Variants in WDR3 observed in about 807,000 individuals in gnomAD.
The protein encoded by WDR3 is WD repeat domain 3.
In WDR3, 81 loss-of-function variants were observed where a neutral mutation model predicts 123.7. The ratio of observed to expected loss-of-function variants is 0.65; its 90% CI spans 0.55 to 0.79. The LOEUF is 0.79. Among genes scored for constraint, WDR3 ranks in the 30% least tolerant of loss-of-function variants. The pLI, the probability that WDR3 is intolerant of heterozygous loss-of-function variation, is 0.00. For missense variants in WDR3, 1,027 were observed against 1,123.2 expected, an observed-to-expected ratio of 0.91 and a Z score of 1.22; for synonymous variants, 390 against 388.8, an observed-to-expected ratio of 1.00 and a Z score of -0.04.
In WDR3 at chr1:117,954,014, G is replaced by A; in HGVS notation, c.2276G>A (p.Arg759Lys). 1 of 1,611,140 alleles carries A rather than the reference G, an allele frequency of 6.2e-7. No individual in the cohort carries two copies. Among genetic ancestry groups the A allele is most frequent in the South Asian group, 1.1e-5 (1 of 90,870 alleles). ...KTIETVKAAE[R>K]IMEAIELYRE... The stretch of plus-strand genomic sequence containing the variant: ...CTTTCTCATCCTCTGTAGGCTGAGA[G>A]GATTATGGAGGCTATTGAGTTGTAC... The change falls in exon 22 of 27, where the codon AGG (arginine) becomes AAG (lysine). Residue 759 changes from arginine to lysine, a missense_variant. By Grantham distance (26) the Arg-to-Lys change is conservative (BLOSUM62 2). Coordinates refer to ENST00000349139, the MANE Select transcript of WDR3 (RefSeq NM_006784.3).
intron 22 of WDR3, 65 bp from the exon 23 acceptor site, chr1:117,954,513 CTG>C: frequency 7.0e-7 from 1 of 1,435,856 alleles, no homozygotes. Context: ...AGTTACCACT[CTG>C]TCTATAACAA....
At chr1:117,958,772 T>TG (rs1194912468) in intron 25 of WDR3, 138 bp from the exon 26 acceptor site, 3 of 564,218 alleles carry the variant, frequency 5.3e-6, no homozygotes, top group Non-Finnish European at 8.7e-6. Context: ...TTTGGCTTTT[T>TG]TTTTTTTTTT....
intron 1 of WDR3, among the ~76,000 whole-genome samples, chr1:117,931,834 G>A (rs1188572257): frequency 2.6e-5 from 4 of 152,178 alleles, no homozygotes; most frequent in Non-Finnish European, 5.9e-5. Flanking sequence ...TTGGCTTTAT[G>A]TTGGTTCCTG....
chr1:117,930,607 A>C (rs984596573), intron 1 of WDR3, among the ~76,000 whole-genome samples: 2 of 152,180 alleles, frequency 1.3e-5, no homozygotes, highest in Non-Finnish European at 2.9e-5. Flanking sequence ...ATGACGTTTA[A>C]ATGAAAAGAG....
At chr1:117,949,960 C>CATTT (rs1651547113) in intron 14 of WDR3, 35 bp from the exon 15 acceptor site, 3 of 1,612,974 alleles carry the variant, frequency 1.9e-6, no homozygotes, top group Non-Finnish European at 2.5e-6. Context: ...TTTGTATACT[C>CATTT]ATTTATTTTT....
intron 12 of WDR3, among the ~76,000 whole-genome samples, chr1:117,948,118 G>A (rs1651473429): frequency 6.6e-6 from 1 of 152,184 alleles, no homozygotes; most frequent in African/African-American, 2.4e-5. Context: ...TTTTCCTTGT[G>A]AAGTTGTGTA....
At chr1:117,942,889 G>GT (rs751258995) in intron 10 of WDR3, among the ~76,000 whole-genome samples, 8,755 of 116,558 alleles carry the variant, frequency 0.075, 642 homozygotes, top group East Asian at 0.24. Context: ...TCTGAGCCTA[G>GT]TTTTTTTTTT....
At position 117,952,893 on chromosome 1, in the gene WDR3, T is replaced by C. The variant is rs949648392; in HGVS notation, c.2152-53T>C. 9 of 1,599,872 alleles carry C rather than the reference T, an allele frequency of 5.6e-6. No homozygotes were observed. In the African/African-American group the frequency reaches 6.7e-5, roughly 12 times the overall value. On this transcript the variant is annotated intron_variant, in intron 19 of 26. Transcript: ENST00000349139. ...CTTCTCGCTTCCTCATTTCTCTTCATATAGAGACCATGTTTTTTTCTCTCA... is the reference window on the plus strand; with the variant it reads ...CTTCTCGCTTCCTCATTTCTCTTCACATAGAGACCATGTTTTTTTCTCTCA...
chr1:117,940,704 G>A, intron 6 of WDR3, 123 bp from the exon 7 acceptor site: 1 of 867,006 alleles, frequency 1.2e-6, no homozygotes, highest in East Asian at 2.5e-5. Context: ...CTCCAGCCTG[G>A]GCGACAGAGT....
chr1:117,933,731 ATATTTACAGGTCAT>A, intron 2 of WDR3: 1 of 542,586 alleles, frequency 1.8e-6, no homozygotes, highest in South Asian at 1.8e-5. Context: ...ATTTGTTGGA[ATATTTACAGGTCAT>A]TATTTGCAGT....
chr1:117,935,670 A>T (rs932840159), intron 3 of WDR3, among the ~76,000 whole-genome samples: 1 of 152,018 alleles, frequency 6.6e-6, no homozygotes, highest in Non-Finnish European at 1.5e-5. Flanking sequence ...AACAAAGATT[A>T]AAGACTTAAC....
At chr1:117,941,883 A>G (rs1249049113) in intron 9 of WDR3, 36 bp downstream of exon 9, 1 of 1,568,012 alleles carries the variant, frequency 6.4e-7, no homozygotes, top group East Asian at 2.3e-5. Context: ...ATAATGAAGT[A>G]TCCTGGGTAG....
At position 117,950,235 on chromosome 1, in the gene WDR3, A is replaced by G. The variant is rs912236364; in HGVS notation, c.1746+105A>G. On this transcript the variant is annotated intron_variant, in intron 15 of 26. Transcript: ENST00000349139. ...GGCCTTGACTGTGCCCAGCGATAGTACATTTCTAAAAATGTGTGTGTGAAT... is the reference window on the plus strand; with the variant it reads ...GGCCTTGACTGTGCCCAGCGATAGTGCATTTCTAAAAATGTGTGTGTGAAT... 7 of 1,330,776 alleles carry G rather than the reference A, an allele frequency of 5.3e-6. No homozygotes were observed. In the East Asian group the frequency reaches 1.7e-4, roughly 31 times the overall value. 82.4% of individuals were successfully genotyped at this position (1,330,776 alleles called of 1,614,324 possible). A position where few individuals can be genotyped will look rare whatever the true frequency, so the allele number is the denominator to read the frequency against.
In WDR3 at chr1:117,952,546, T is replaced by C. The variant is rs773562146; in HGVS notation, c.2035T>C (p.Trp679Arg). Residue 679 changes from tryptophan (W) to arginine (R), a missense_variant, in exon 19 of 27, where the codon TGG becomes CGG. Trp to Arg is a moderately radical substitution (Grantham distance 101). Transcript: ENST00000349139. ...QTLEGHHQEIWCLAVSPSGDY... is the reference protein window; with the variant it reads ...QTLEGHHQEIRCLAVSPSGDY... ...CCTCCAGGGTCATCACCAGGAAATA[T>C]GGTGTTTGGCTGTAAGCCCCAGTGG... The C allele has an allele frequency of 2.4e-5, 38 of 1,611,954 alleles. 1 individual carries two copies. The highest frequency in any genetic ancestry group is 2.0e-4 in the South Asian group (18 of 90,584).
chr1:117,959,215 T>G (rs1428838552), intron 26 of WDR3, 77 bp from the exon 27 acceptor site: 2 of 1,513,646 alleles, frequency 1.3e-6, no homozygotes, highest in Non-Finnish European at 1.8e-6. Flanking sequence ...AAGCTTTGGT[T>G]ACCCTAACTC....
chr1:117,963,874 T>C lies in WDR3; in HGVS notation c.*4427T>C. 1.2e-6 allele frequency: 2 copies of C among 1,613,976 alleles called. No individual in the cohort carries two copies. The highest frequency in any genetic ancestry group is 4.5e-5 in the East Asian group (2 of 44,872). On this transcript the variant is annotated 3_prime_UTR_variant, in exon 27 of 27. Transcript: ENST00000349139. ...AAATTGTAGAAGTTCTCTGGACCAT[T>C]GGATTTTCTTTTCCCTGGGGAAAGT...
At position 117,965,371 on chromosome 1, in the gene WDR3, A is replaced by G. The variant is rs1653697487; in HGVS notation, c.*5924A>G. 1 of 152,180 alleles carries G rather than the reference A, an allele frequency of 6.6e-6. No individual in the cohort carries two copies. The highest frequency in any genetic ancestry group is 2.1e-4 in the South Asian group (1 of 4,830). 9.4% of individuals were successfully genotyped at this position (152,180 alleles called of 1,614,324 possible). The stretch of plus-strand genomic sequence containing the variant: ...CCAGATTTCTGTTCCTTGCCCATAC[A>G]TTCAGCCATCACCTCTGTGTAAACG... On this transcript the variant is annotated 3_prime_UTR_variant, in exon 27 of 27. Transcript: ENST00000349139.
chr1:117,946,083 T>C lies in WDR3; in HGVS notation c.1329-3T>C, dbSNP rs1651367507. 1 of 1,589,626 alleles carries C rather than the reference T, an allele frequency of 6.3e-7. No homozygotes were observed. The highest frequency in any genetic ancestry group is 2.3e-5 in the East Asian group (1 of 44,348). On this transcript the variant is annotated splice_region_variant and splice_polypyrimidine_tract_variant and intron_variant, in intron 11 of 26. Coordinates refer to ENST00000349139, the MANE Select transcript of WDR3 (RefSeq NM_006784.3). ...TGAGTTCTTTATTTTTTCTTTCTCATAGGTCTACACTGCAGTGTATTCGCA... is the reference window on the plus strand; with the variant it reads ...TGAGTTCTTTATTTTTTCTTTCTCACAGGTCTACACTGCAGTGTATTCGCA...
chr1:117,964,137 T>A lies in WDR3; in HGVS notation c.*4690T>A. 1.9e-6 allele frequency: 1 copy of A among 517,520 alleles called. No homozygotes were observed. The highest frequency in any genetic ancestry group is 3.4e-6 in the Non-Finnish European group (1 of 291,116). 32.1% of individuals were successfully genotyped at this position (517,520 alleles called of 1,614,324 possible). On this transcript the variant is annotated 3_prime_UTR_variant, in exon 27 of 27. Transcript: ENST00000349139. ...ATGCCAATGTCTAGAATGTCTTCTGTTCTCCCTAGTGTACATTTCTCTCCT... is the reference window on the plus strand; with the variant it reads ...ATGCCAATGTCTAGAATGTCTTCTGATCTCCCTAGTGTACATTTCTCTCCT...
Sources: allele counts gnomAD v4.1 joint callset (sites outside exome capture counted in the v4.1 genomes callset), GRCh38; gene constraint gnomAD v4.1.1; transcripts MANE v1.5; gene names NCBI Gene and HGNC (gene_info 2026-07-23, HGNC 2026-07-21).